Variants in SHANK2 observed in about 807,000 individuals in gnomAD.
SHANK2 encodes the protein SH3 and multiple ankyrin repeat domains protein 2.
Under a neutral mutation model 133.7 loss-of-function variants are expected in SHANK2, and 43 were observed. The ratio of observed to expected loss-of-function variants is 0.32; its 90% CI spans 0.25 to 0.41. SHANK2 has a LOEUF of 0.41. SHANK2 is among the 10% of genes least tolerant of loss of function. SHANK2 has a pLI of 1.00. For synonymous variants in SHANK2, 1,017 were observed against 952.8 expected (o/e 1.07, Z -1.24); for missense variants, 1,994 against 2,235.8 (o/e 0.89, Z 2.18).
In SHANK2 at chr11:71,086,148, TATATA is replaced by T. The variant is rs1189349470; in HGVS notation, c.912+6269_912+6273del. On this transcript the variant is annotated intron_variant, in intron 8 of 25. Transcript: ENST00000601538. The stretch of plus-strand genomic sequence containing the variant: ...TATTAAATTATATAATATATTATGT[TATATA>T]ATATATTAAATTATATAATATATTA... Among the ~76,000 whole-genome samples the T allele has an allele frequency of 4.1e-3, 47 of 11,410 alleles. 3 individuals are homozygous for T. The highest frequency in any genetic ancestry group is 0.01 in the Non-Finnish European group (41 of 3,976). The allele number at this position is 11,410 out of a possible 152,430, so 7.5% of individuals were successfully genotyped here.
rs1296349784 is a variant in SHANK2 at position 71,148,124 on chromosome 11, G to T, written c.-12-786C>A. 2.1e-5 allele frequency among the ~76,000 whole-genome samples: 3 copies of T among 145,880 alleles called. No individual in the cohort carries two copies. The Admixed American group carries it at 2.1e-4, about 10-fold the overall frequency. On this transcript the variant is annotated intron_variant, in intron 2 of 25. Coordinates refer to ENST00000601538, the MANE Select transcript of SHANK2 (RefSeq NM_012309.5). Reference sequence around the variant, plus strand: ...TTTGAGATGGAGTTTCACTCTTGTCGCCCAGGCTGGAGTGCAATGGCGTGA... The same window carrying T: ...TTTGAGATGGAGTTTCACTCTTGTCTCCCAGGCTGGAGTGCAATGGCGTGA...
chr11:70,535,373 C>T lies in SHANK2; in HGVS notation c.2062-32442G>A, dbSNP rs2135996029. The stretch of plus-strand genomic sequence containing the variant: ...TTCATTATCTACCATCATCCATCTG[C>T]CATCATCCATCAGTCTAACCAGTCC... On this transcript the variant is annotated intron_variant, in intron 17 of 25. Transcript: ENST00000601538. The surrounding 1 kb of genome is among the most constrained non-coding windows in gnomAD (Gnocchi z 4.3). 6.6e-6 allele frequency among the ~76,000 whole-genome samples: 1 copy of T among 152,148 alleles called. No homozygotes were observed. Among genetic ancestry groups the T allele is most frequent in the African/African-American group, 2.4e-5 (1 of 41,478 alleles).
chr11:70,601,510 C>T (rs1198897251), intron 17 of SHANK2, among the ~76,000 whole-genome samples: 2 of 152,176 alleles, frequency 1.3e-5, no homozygotes, highest in Non-Finnish European at 2.9e-5. Context: ...CACAACCGCA[C>T]CTGGCCAATC....
intron 6 of SHANK2, among the ~76,000 whole-genome samples, chr11:71,103,006 A>T (rs553443033): frequency 1.3e-5 from 2 of 152,346 alleles, no homozygotes; most frequent in Non-Finnish European, 2.9e-5. Flanking sequence ...CTCACCTCAC[A>T]AAGTGGAAGG....
chr11:71,067,882 C>T (rs1951087730), intron 9 of SHANK2, among the ~76,000 whole-genome samples: 1 of 151,904 alleles, frequency 6.6e-6, no homozygotes, highest in African/African-American at 2.4e-5. Context: ...TCACCACCAT[C>T]ATCACCACCA....
At chr11:70,679,209 AAC>A (rs1469778019) in intron 15 of SHANK2, among the ~76,000 whole-genome samples, 7 of 152,188 alleles carry the variant, frequency 4.6e-5, no homozygotes, top group Admixed American at 4.6e-4. Context: ...TCTCTCACAC[AAC>A]ACACTGTGGA....
intron 3 of SHANK2, among the ~76,000 whole-genome samples, chr11:71,135,580 A>G (rs1440404275): frequency 7.0e-6 from 1 of 143,650 alleles, no homozygotes; most frequent in African/African-American, 2.6e-5. Context: ...TCCACCTCCC[A>G]GGTTCAAGCA....
At chr11:70,621,060 G>A (rs918222156) in intron 17 of SHANK2, among the ~76,000 whole-genome samples, 3 of 152,212 alleles carry the variant, frequency 2.0e-5, no homozygotes, top group Non-Finnish European at 1.5e-5. Flanking sequence ...AACAGCACCT[G>A]CCTCAAAGGC....
At chr11:70,496,101 C>T (rs1218248300) in intron 21 of SHANK2, among the ~76,000 whole-genome samples, 1 of 152,122 alleles carries the variant, frequency 6.6e-6, no homozygotes, top group East Asian at 1.9e-4. Context: ...TGCAGGACGG[C>T]CGAGGCCCTG....
intron 1 of SHANK2, among the ~76,000 whole-genome samples, chr11:71,249,751 A>G (rs1555125553): frequency 6.6e-6 from 1 of 152,206 alleles, no homozygotes; most frequent in African/African-American, 2.4e-5. Context: ...CAAGTATGCT[A>G]AAGCACTGCC....
At chr11:71,111,419 A>G (rs945249183) in intron 5 of SHANK2, among the ~76,000 whole-genome samples, 2 of 152,176 alleles carry the variant, frequency 1.3e-5, no homozygotes, top group African/African-American at 4.8e-5. Context: ...CCGCAGATCA[A>G]CCTGATGGGG....
At chr11:70,800,306 G>A (rs1320039741) in intron 13 of SHANK2, among the ~76,000 whole-genome samples, 3 of 152,244 alleles carry the variant, frequency 2.0e-5, no homozygotes, top group East Asian at 1.9e-4. Flanking sequence ...GATGACTGGC[G>A]TGAGCCACTG....
intron 8 of SHANK2, 48 bp downstream of exon 8, chr11:71,092,374 G>T: frequency 1.3e-6 from 2 of 1,547,344 alleles, no homozygotes; most frequent in Non-Finnish European, 1.7e-6. Context: ...GAGGAGAAGG[G>T]GAAGTCAGTT....
intron 14 of SHANK2, among the ~76,000 whole-genome samples, chr11:70,741,008 T>C (rs1300170640): frequency 6.6e-6 from 1 of 152,168 alleles, no homozygotes; most frequent in Non-Finnish European, 1.5e-5. Context: ...GTGTTATCTC[T>C]TGCTTAACTG....
chr11:70,867,235 C>T (rs568365881), intron 11 of SHANK2, among the ~76,000 whole-genome samples: 6 of 152,190 alleles, frequency 3.9e-5, no homozygotes, highest in East Asian at 1.9e-4. Flanking sequence ...GTCTCCTATC[C>T]GGGTAGGGGT....
chr11:70,631,282 C>T (rs1223925847), intron 17 of SHANK2: 1 of 152,092 alleles, frequency 6.6e-6, no homozygotes, highest in Non-Finnish European at 1.5e-5. Flanking sequence ...CTCTCCCAGA[C>T]TCATGACAAC....
At chr11:71,160,687 G>A (rs1397890252) in intron 2 of SHANK2, among the ~76,000 whole-genome samples, 1 of 152,196 alleles carries the variant, frequency 6.6e-6, no homozygotes, top group East Asian at 1.9e-4. Flanking sequence ...AGCTGCCCAA[G>A]ACACCCACCT....
At chr11:70,865,626 G>T (rs944705852) in intron 11 of SHANK2, among the ~76,000 whole-genome samples, 4 of 152,122 alleles carry the variant, frequency 2.6e-5, no homozygotes, top group Admixed American at 2.6e-4. Flanking sequence ...AGAGGGTGGG[G>T]CCACAAGCAT....
chr11:70,661,402 T>C (rs948476998), intron 16 of SHANK2, among the ~76,000 whole-genome samples, 194 bp downstream of exon 16: 9 of 152,020 alleles, frequency 5.9e-5, no homozygotes, highest in Non-Finnish European at 1.2e-4. Flanking sequence ...TAAGGCACAA[T>C]GTGAAGGAAC....
Sources: gnomAD v4.1 joint callset for allele counts (sites outside exome capture counted in the v4.1 genomes callset) on GRCh38, gnomAD v4.1.1 for gene constraint, Gnocchi (gnomAD v3.1) non-coding constraint, MANE v1.5 for transcripts, NCBI Gene and HGNC (gene_info 2026-07-23, HGNC 2026-07-21) for gene names.